The following CDC123 variants were observed in gnomAD, a reference collection of about 807,000 sequenced individuals.
CDC123 encodes translation initiation factor eIF2 assembly protein.
A neutral mutation model predicts 54.4 loss-of-function variants in CDC123; 37 were observed. That is an observed-to-expected ratio of 0.68 (90% CI 0.52 to 0.89). The LOEUF (loss-of-function observed/expected upper bound fraction) is 0.89, where lower values mean the gene tolerates loss of function less well. Among genes scored for constraint, CDC123 ranks in the 40% least tolerant of loss-of-function variants. CDC123 has a pLI of 0.00. For missense variants in CDC123, 361 were observed against 412.1 expected, an observed-to-expected ratio of 0.88 and a Z score of 1.07; for synonymous variants, 144 against 136.8, an observed-to-expected ratio of 1.05 and a Z score of -0.37.
Position 12,209,995 on chromosome 10 carries a change from G to A in CDC123, c.175G>A (p.Asp59Asn). The A allele has an allele frequency of 1.2e-6, 2 of 1,614,166 alleles. No homozygotes were observed. The highest frequency in any genetic ancestry group is 1.1e-5 in the South Asian group (1 of 91,076). ...TGATCCACCAACACATTCTCAGCCAGACAGTGATGATGAAGCAGAAGAAAT... is the reference window on the plus strand; with the variant it reads ...TGATCCACCAACACATTCTCAGCCAAACAGTGATGATGAAGCAGAAGAAAT... Reference protein sequence around the residue: ...RDDPPTHSQPDSDDEAEEIQW... With the variant: ...RDDPPTHSQPNSDDEAEEIQW... The change falls in exon 3 of 13, where the codon GAC becomes AAC. Residue 59 changes from aspartate (D) to asparagine (N), a missense_variant. Asp to Asn is a conservative substitution (Grantham distance 23, BLOSUM62 1). Transcript: ENST00000281141.
At chr10:12,240,819 A>G (rs1255644077) in intron 10 of CDC123, among the ~76,000 whole-genome samples, 1 of 152,168 alleles carries the variant, frequency 6.6e-6, no homozygotes, top group Non-Finnish European at 1.5e-5. Flanking sequence ...GCAGTGAGCC[A>G]TGATCATACA....
intron 10 of CDC123, among the ~76,000 whole-genome samples, chr10:12,244,333 T>C (rs1836099107): frequency 6.6e-6 from 1 of 152,238 alleles, no homozygotes; most frequent in African/African-American, 2.4e-5. Flanking sequence ...TATATGAATG[T>C]TTCAGTGAGA....
At chr10:12,207,830 C>T (rs559000851) in intron 2 of CDC123, among the ~76,000 whole-genome samples, 2 of 152,278 alleles carry the variant, frequency 1.3e-5, no homozygotes, top group South Asian at 4.1e-4. Flanking sequence ...TACCTCAACC[C>T]TCTTGAGTTC....
chr10:12,245,839 G>C (rs1836126658), intron 10 of CDC123: 1 of 221,302 alleles, frequency 4.5e-6, no homozygotes. Context: ...GGGAGGCTGA[G>C]GTGAGGGGAT....
chr10:12,204,330 A>G (rs1426090521), intron 2 of CDC123, among the ~76,000 whole-genome samples: 1 of 152,070 alleles, frequency 6.6e-6, no homozygotes, highest in African/African-American at 2.4e-5. Flanking sequence ...TAGTAAAATG[A>G]GTTGAGCATC....
chr10:12,249,080 G>A (rs1172184442), intron 11 of CDC123, among the ~76,000 whole-genome samples: 3 of 150,694 alleles, frequency 2.0e-5, no homozygotes, highest in African/African-American at 4.9e-5. Flanking sequence ...GGGCAACAGA[G>A]ATCGTGCCCC....
At chr10:12,229,112 C>T (rs1054065024) in intron 6 of CDC123, among the ~76,000 whole-genome samples, 1 of 152,150 alleles carries the variant, frequency 6.6e-6, no homozygotes, top group African/African-American at 2.4e-5. Context: ...AGACCCTCAT[C>T]TCCCCGAGGC....
intron 6 of CDC123, among the ~76,000 whole-genome samples, chr10:12,228,725 C>G (rs1835860989): frequency 6.6e-6 from 1 of 152,188 alleles, no homozygotes; most frequent in African/African-American, 2.4e-5. Context: ...CATGCACCAC[C>G]ACACCCAGCT....
chr10:12,203,882 C>G (rs958568307), intron 2 of CDC123, among the ~76,000 whole-genome samples: 15 of 152,028 alleles, frequency 9.9e-5, no homozygotes, highest in African/African-American at 3.6e-4. Flanking sequence ...CACTTGAGGC[C>G]AGGAGATGGA....
intron 1 of CDC123, among the ~76,000 whole-genome samples, chr10:12,197,228 T>C (rs1835368033): frequency 6.6e-6 from 1 of 152,214 alleles, no homozygotes; most frequent in Non-Finnish European, 1.5e-5. Context: ...CAAATAGACA[T>C]ATTAAGAAAG....
chr10:12,223,115 C>G (rs1289730373), intron 6 of CDC123, among the ~76,000 whole-genome samples: 1 of 151,592 alleles, frequency 6.6e-6, no homozygotes, highest in East Asian at 2.0e-4. Flanking sequence ...AGGATGGTCT[C>G]AATCTCCTGA....
chr10:12,201,999 C>G (rs1170857178), intron 2 of CDC123, among the ~76,000 whole-genome samples: 1 of 152,154 alleles, frequency 6.6e-6, no homozygotes, highest in Non-Finnish European at 1.5e-5. Flanking sequence ...GTCATTTGCT[C>G]AGGTTGAGAG....
chr10:12,233,502 T>C (rs1158448226), intron 7 of CDC123, among the ~76,000 whole-genome samples: 4 of 152,170 alleles, frequency 2.6e-5, no homozygotes. Context: ...CACAAAATAG[T>C]ATTTTGATAA....
intron 2 of CDC123, among the ~76,000 whole-genome samples, chr10:12,204,229 A>G (rs1835483490): frequency 6.6e-6 from 1 of 152,146 alleles, no homozygotes; most frequent in Non-Finnish European, 1.5e-5. Context: ...ACTGGGTCTG[A>G]CGCAGGTGGT....
intron 7 of CDC123, among the ~76,000 whole-genome samples, chr10:12,233,496 A>G (rs1167043869): frequency 6.6e-6 from 1 of 152,218 alleles, no homozygotes; most frequent in Non-Finnish European, 1.5e-5. Flanking sequence ...TACATGCACA[A>G]AATAGTATTT....
Position 12,215,773 on chromosome 10 carries a change from C to T in CDC123, c.271C>T (p.Gln91Ter), listed in dbSNP as rs747698461. The T allele has an allele frequency of 6.2e-7, 1 of 1,612,466 alleles. No homozygotes were observed. The highest frequency in any genetic ancestry group is 1.1e-5 in the South Asian group (1 of 90,738). Reference protein sequence around the residue: ...PEFPEFATKVQEAINSLGGSV... With the variant: ...PEFPEFATKV ...ATTTCCTGAGTTTGCCACTAAAGTC[C>T]AGGAAGCTATCAATTCCCTCGGGGG... is the stretch of plus-strand genomic sequence containing the variant. The change falls in exon 5 of 13, where the codon CAG becomes TAG. Residue 91 changes from glutamine to a stop codon, truncating the protein, a stop_gained. Transcript: ENST00000281141. LOFTEE classifies it high-confidence loss of function.
intron 6 of CDC123, among the ~76,000 whole-genome samples, chr10:12,217,861 G>A (rs1389742490): frequency 6.6e-6 from 1 of 152,116 alleles, no homozygotes; most frequent in African/African-American, 2.4e-5. Context: ...GCCAAGACAG[G>A]TGGATCACCT....
At chr10:12,244,648 CTTT>C (rs33998192) in intron 10 of CDC123, 33 of 125,876 alleles carry the variant, frequency 2.6e-4, no homozygotes, top group Admixed American at 4.1e-4. Context: ...TTTCTTTTTT[CTTT>C]TTTTTTTTTT....
At chr10:12,231,132 T>C in intron 7 of CDC123, 136 bp downstream of exon 7, 1 of 687,670 alleles carries the variant, frequency 1.5e-6, no homozygotes, top group African/African-American at 1.8e-5. Flanking sequence ...AATTTTAAAT[T>C]TATGAAATAT....
Sources: allele counts gnomAD v4.1 joint callset (sites outside exome capture counted in the v4.1 genomes callset), GRCh38; gene constraint gnomAD v4.1.1; transcripts MANE v1.5; gene names NCBI Gene and HGNC (gene_info 2026-07-23, HGNC 2026-07-21).